Variants in FER observed in about 807,000 individuals in gnomAD.
The protein encoded by FER is tyrosine-protein kinase Fer.
FER carries 63 observed loss-of-function variants against 111.0 expected under a neutral mutation model. That is an observed-to-expected ratio of 0.57 (90% CI 0.46 to 0.70). The LOEUF is 0.70. Ranked by LOEUF, FER falls within the 30% of genes least tolerant of loss-of-function variation. FER has a pLI of 0.00. For missense variants in FER, 914 were observed against 954.0 expected (o/e 0.96, Z 0.55); for synonymous variants, 327 against 313.9 (o/e 1.04, Z -0.44).
Position 109,187,606 on chromosome 5 carries a change from G to GACTC in FER, c.*32_*35dup, listed in dbSNP as rs1449900355. On this transcript the variant is annotated 3_prime_UTR_variant, in exon 20 of 20. Transcript: ENST00000281092. ...GGATGGCGCCAAACTCAGCCTTCAG[G>GACTC]ACTCTGTCCTCCAGCAGAGTAACAT... is the stretch of plus-strand genomic sequence containing the variant. The GACTC allele has an allele frequency of 6.2e-7, 1 of 1,612,586 alleles. No homozygotes were observed. The highest frequency in any genetic ancestry group is 2.2e-5 in the East Asian group (1 of 44,820).
intron 17 of FER, among the ~76,000 whole-genome samples, chr5:109,152,772 T>A (rs538209289): frequency 6.6e-6 from 1 of 152,094 alleles, no homozygotes; most frequent in Admixed American, 6.5e-5. Flanking sequence ...AGGGGACTTT[T>A]CAAACTGTGT....
intron 13 of FER, among the ~76,000 whole-genome samples, chr5:109,016,573 T>C (rs1488226194): frequency 2.0e-5 from 3 of 152,058 alleles, no homozygotes; most frequent in Non-Finnish European, 4.4e-5. Flanking sequence ...AGCTTTCTCT[T>C]ATCACTGATA....
chr5:108,802,977 C>G (rs34494089), intron 3 of FER, among the ~76,000 whole-genome samples: 9,901 of 152,190 alleles, frequency 0.065, 357 homozygotes, highest in Middle Eastern at 0.082. Context: ...TTAAGTGTTC[C>G]CGTCTCTCCA....
chr5:108,997,374 GC>G (rs1356269948), intron 13 of FER, among the ~76,000 whole-genome samples: 5 of 147,622 alleles, frequency 3.4e-5, no homozygotes, highest in Non-Finnish European at 7.4e-5. Flanking sequence ...GCGAGAGCAT[GC>G]CACTGCACTC....
chr5:108,797,616 G>A (rs1756178688), intron 2 of FER, among the ~76,000 whole-genome samples: 1 of 152,194 alleles, frequency 6.6e-6, no homozygotes, highest in African/African-American at 2.4e-5. Flanking sequence ...GATGGGAGAG[G>A]ACTGGTCTTG....
At chr5:108,903,466 A>G (rs1351018678) in intron 10 of FER, among the ~76,000 whole-genome samples, 1 of 152,188 alleles carries the variant, frequency 6.6e-6, no homozygotes, top group Non-Finnish European at 1.5e-5. Context: ...GGAGTTCGAG[A>G]CCAGCCTGAC....
chr5:109,109,421 T>C (rs146116481), intron 17 of FER, among the ~76,000 whole-genome samples: 85 of 152,286 alleles, frequency 5.6e-4, no homozygotes, highest in Middle Eastern at 6.8e-3. Context: ...CATGAGGACA[T>C]TGACTTTATT....
intron 13 of FER, among the ~76,000 whole-genome samples, chr5:109,002,969 G>A (rs1281628458): frequency 6.6e-6 from 1 of 152,134 alleles, no homozygotes; most frequent in African/African-American, 2.4e-5. Context: ...GAAACAACAG[G>A]TGCTGGAGAG....
At chr5:108,818,132 G>A (rs1230877536) in intron 3 of FER, 1 of 152,072 alleles carries the variant, frequency 6.6e-6, no homozygotes, top group African/African-American at 2.4e-5. Context: ...TCGCATTTAA[G>A]AATTTAGAAA....
At chr5:109,178,409 A>G (rs929337747) in intron 17 of FER, among the ~76,000 whole-genome samples, 5 of 152,222 alleles carry the variant, frequency 3.3e-5, no homozygotes, top group Non-Finnish European at 7.3e-5. Context: ...TGCAATGAAG[A>G]TAGTTATGAC....
At chr5:109,039,758 T>G (rs1770893281) in intron 14 of FER, among the ~76,000 whole-genome samples, 2 of 152,068 alleles carry the variant, frequency 1.3e-5, no homozygotes, top group Admixed American at 6.6e-5. Context: ...TGTTAGGTGA[T>G]GAGGGTATAA....
At chr5:109,102,648 T>C (rs1748388489) in intron 17 of FER, among the ~76,000 whole-genome samples, 1 of 152,200 alleles carries the variant, frequency 6.6e-6, no homozygotes, top group Admixed American at 6.5e-5. Context: ...TTTTCTTTAA[T>C]CACTTTCATT....
At chr5:108,819,553 A>G (rs1206863246) in intron 3 of FER, among the ~76,000 whole-genome samples, 1 of 152,208 alleles carries the variant, frequency 6.6e-6, no homozygotes, top group Non-Finnish European at 1.5e-5. Flanking sequence ...TGTTGATAAA[A>G]GGAGTAAATA....
intron 16 of FER, among the ~76,000 whole-genome samples, chr5:109,086,803 A>G (rs531523337): frequency 5.3e-4 from 80 of 151,386 alleles, no homozygotes; most frequent in African/African-American, 1.7e-3. Context: ...CTTCCATACA[A>G]AGTACCAAGT....
chr5:108,963,398 C>T (rs1266765043), intron 13 of FER, among the ~76,000 whole-genome samples: 1 of 151,936 alleles, frequency 6.6e-6, no homozygotes, highest in Non-Finnish European at 1.5e-5. Flanking sequence ...CCCGTCTCTA[C>T]TAAAAATACA....
At chr5:109,008,624 TA>T (rs958696347) in intron 13 of FER, among the ~76,000 whole-genome samples, 4 of 152,110 alleles carry the variant, frequency 2.6e-5, no homozygotes, top group Admixed American at 6.6e-5. Context: ...TTCTCTGCTT[TA>T]AAAAAATATT....
intron 17 of FER, among the ~76,000 whole-genome samples, chr5:109,157,356 G>A (rs1185480459): frequency 6.7e-6 from 1 of 149,292 alleles, no homozygotes; most frequent in African/African-American, 2.4e-5. Context: ...GATCAGTAAT[G>A]GGGGAGGCTG....
At chr5:108,892,659 C>G (rs1458795773) in intron 9 of FER, among the ~76,000 whole-genome samples, 1 of 152,120 alleles carries the variant, frequency 6.6e-6, no homozygotes, top group African/African-American at 2.4e-5. Context: ...TGTGCAGAAG[C>G]TCTTTAGTTT....
intron 10 of FER, among the ~76,000 whole-genome samples, chr5:108,944,146 C>A (rs1281802868): frequency 6.6e-6 from 1 of 151,388 alleles, no homozygotes; most frequent in Non-Finnish European, 1.5e-5. Flanking sequence ...CACACAAACA[C>A]ACACACTGTC....
Sources: allele counts gnomAD v4.1 joint callset (sites outside exome capture counted in the v4.1 genomes callset), GRCh38; gene constraint gnomAD v4.1.1; transcripts MANE v1.5; gene names NCBI Gene and HGNC (gene_info 2026-07-23, HGNC 2026-07-21).